NIT1: variants seen among roughly 807,000 people sequenced by gnomAD.
NIT1 encodes the protein deaminated glutathione amidase.
NIT1 carries 30 observed loss-of-function variants against 36.8 expected under a neutral mutation model. The observed-to-expected ratio is 0.82, with a 90% CI of 0.61 to 1.11. NIT1 has a LOEUF of 1.11. Ranked by LOEUF, NIT1 falls within the 50% of genes least tolerant of loss-of-function variation. NIT1 has a pLI of 0.00. For synonymous variants in NIT1, 151 were observed against 155.6 expected (o/e 0.97, Z 0.22); for missense variants, 438 against 410.6 (o/e 1.07, Z -0.58).
downstream of NIT1, among the ~76,000 whole-genome samples, chr1:161,123,635 CAAAAAAA>C (rs35678373): frequency 9.0e-5 from 8 of 88,948 alleles, no homozygotes; most frequent in African/African-American, 3.7e-4. Context: ...GACTCTGTCT[CAAAAAAA>C]AAAAAAAAAA....
chr1:161,118,671 G>GT, intron 1 of NIT1, 115 bp from the exon 2 acceptor site: 1 of 1,478,498 alleles, frequency 6.8e-7, no homozygotes, highest in Non-Finnish European at 9.3e-7. Context: ...TGAAGACTAG[G>GT]TTTTTACTGG....
chr1:161,123,925 T>C (rs372926625), downstream of NIT1: 3 of 1,613,988 alleles, frequency 1.9e-6, no homozygotes, highest in Non-Finnish European at 2.5e-6. Context: ...CTCCAGATAC[T>C]TGTCTACAAG....
chr1:161,118,322 G>A, intron 1 of NIT1, 144 bp downstream of exon 1: 1 of 1,537,712 alleles, frequency 6.5e-7, no homozygotes, highest in Non-Finnish European at 8.7e-7. Flanking sequence ...GGCGGGGCGC[G>A]GCTTGGGGCC....
downstream of NIT1, chr1:161,123,119 C>T (rs923468936): frequency 5.0e-6 from 8 of 1,614,188 alleles, no homozygotes; most frequent in African/African-American, 2.7e-5. Context: ...TGACTTCCGG[C>T]GTTTTCGCTG....
In NIT1 at chr1:161,120,929, T is replaced by C; in HGVS notation, c.*164T>C. On this transcript the variant is annotated 3_prime_UTR_variant, in exon 7 of 7. Transcript: ENST00000368009. ...GATGGGCTGCTTGGGAAAGAAACTT[T>C]CACCTGAGCTTCACCTGAGGTCAGA... The C allele has an allele frequency of 1.4e-6, 2 of 1,427,936 alleles. No individual in the cohort carries two copies. The highest frequency in any genetic ancestry group is 1.4e-5 in the African/African-American group (1 of 69,688). The allele number at this position is 1,427,936 out of a possible 1,614,324, so 88.5% of individuals were successfully genotyped here.
intron 4 of NIT1, 69 bp from the exon 5 acceptor site, chr1:161,119,750 C>T: frequency 6.3e-7 from 1 of 1,576,348 alleles, no homozygotes; most frequent in South Asian, 1.2e-5. Context: ...TATAAACTAT[C>T]TCCTCCTTGG....
At position 161,120,089 on chromosome 1, in the gene NIT1, G is replaced by C; in HGVS notation, c.592-18G>C. ...AACAGAGCAGGAAGACTACTAAGTA[G>C]GCTGTTTTTCATTCCAGATTGGTCT... On this transcript the variant is annotated intron_variant, in intron 5 of 6. Transcript: ENST00000368009. The C allele has an allele frequency of 6.2e-7, 1 of 1,614,050 alleles. No homozygotes were observed.
downstream of NIT1, chr1:161,124,336 GCACATCT>G: frequency 6.2e-7 from 1 of 1,614,232 alleles, no homozygotes; most frequent in Non-Finnish European, 8.5e-7. Context: ...GAAAGCACGC[GCACATCT>G]CTGTGTGTCA....
chr1:161,121,190 A>G lies in NIT1; in HGVS notation c.*425A>G. The G allele has an allele frequency of 9.6e-7, 1 of 1,037,320 alleles. No individual in the cohort carries two copies. Among genetic ancestry groups the G allele is most frequent in the Non-Finnish European group, 1.2e-6 (1 of 860,136 alleles). The allele number at this position is 1,037,320 out of a possible 1,614,324, so 64.3% of individuals were successfully genotyped here. A position where few individuals can be genotyped will look rare whatever the true frequency, so the allele number is the denominator to read the frequency against. On this transcript the variant is annotated 3_prime_UTR_variant, in exon 7 of 7. Coordinates refer to ENST00000368009, the MANE Select transcript of NIT1 (RefSeq NM_005600.3). ...CTCCCTACCTAAATAAAAGTGCAAC[A>G]CTCAGTGCATGTCCCAGCCCCATTC...
At position 161,119,863 on chromosome 1, in the gene NIT1, G is replaced by C. The variant is rs1238347162; in HGVS notation, c.502G>C (p.Glu168Gln). The C allele has an allele frequency of 3.1e-6, 5 of 1,612,632 alleles. No homozygotes were observed. The change falls in exon 5 of 7, where the codon GAG (glutamate) becomes CAG (glutamine). Residue 168 changes from glutamate to glutamine, a missense_variant. By Grantham distance (29) the Glu-to-Gln change is conservative (BLOSUM62 2). Transcript: ENST00000368009. The stretch of plus-strand genomic sequence containing the variant: ...CAGGAAGACACATCTGTGTGACGTA[G>C]AGATTCCAGGGCAGGGGCCTATGTG... ...TYRKTHLCDV[E>Q]IPGQGPMCES... is the part of the protein sequence containing the mutation.
chr1:161,118,708 TAA>T, intron 1 of NIT1, 76 bp from the exon 2 acceptor site: 1 of 1,472,518 alleles, frequency 6.8e-7, no homozygotes, highest in Non-Finnish European at 9.5e-7. Flanking sequence ...GCTCACAGTA[TAA>T]AGAGAGAAGT....
chr1:161,123,707 A>ATTTTT, downstream of NIT1: 1 of 632,810 alleles, frequency 1.6e-6, no homozygotes, highest in Middle Eastern at 4.9e-4. Context: ...ACCTCGCCTG[A>ATTTTT]TTTTTTTTTT....
downstream of NIT1, chr1:161,124,432 C>T (rs1382044779): frequency 4.4e-6 from 7 of 1,605,352 alleles, no homozygotes; most frequent in Admixed American, 3.3e-5. Context: ...TCTGGCCACA[C>T]CTGGCTTGCC....
intron 5 of NIT1, 33 bp from the exon 6 acceptor site, chr1:161,120,074 G>T (rs1211071535): frequency 6.2e-7 from 1 of 1,613,888 alleles, no homozygotes; most frequent in African/African-American, 1.3e-5. Context: ...AACAGAGCAG[G>T]AAGACTACTA....
intron 1 of NIT1, 56 bp from the exon 2 acceptor site, chr1:161,118,730 C>T: frequency 1.1e-5 from 16 of 1,513,470 alleles, no homozygotes; most frequent in Non-Finnish European, 1.5e-5. Flanking sequence ...TCAGAGAATC[C>T]TAGAAATTTA....
At chr1:161,122,447 C>T (rs1364391686), downstream of NIT1, 1 of 1,614,086 alleles carries the variant, frequency 6.2e-7, no homozygotes, top group East Asian at 2.2e-5. The surrounding 1 kb of genome is among the most constrained non-coding windows in gnomAD (Gnocchi z 4.2). Context: ...CAAGTGGGTC[C>T]TGCTTGTTAG....
downstream of NIT1, chr1:161,121,943 G>A (rs748379046): frequency 4.9e-6 from 3 of 613,890 alleles, no homozygotes; most frequent in Non-Finnish European, 8.3e-6. Flanking sequence ...AAATGGAAAA[G>A]GGAAATAAAG....
Position 161,120,801 on chromosome 1 carries a change from AC to A in NIT1, c.*41del, listed in dbSNP as rs1655410107. ...CTGTGAGTTTAGACCTGCCCCTCCCACCCCCACCCTGCCACTATGAGCTAGT... is the reference window on the plus strand; with the variant it reads ...CTGTGAGTTTAGACCTGCCCCTCCCACCCCACCCTGCCACTATGAGCTAGT... On this transcript the variant is annotated 3_prime_UTR_variant, in exon 7 of 7. Coordinates refer to ENST00000368009, the MANE Select transcript of NIT1 (RefSeq NM_005600.3). 9.0e-7 allele frequency: 1 copy of A among 1,106,406 alleles called. No individual in the cohort carries two copies. The highest frequency in any genetic ancestry group is 2.0e-5 in the Admixed American group (1 of 50,910). 68.5% of individuals were successfully genotyped at this position (1,106,406 alleles called of 1,614,324 possible).
chr1:161,123,069 C>G, downstream of NIT1: 1 of 1,614,202 alleles, frequency 6.2e-7, no homozygotes, highest in Non-Finnish European at 8.5e-7. Context: ...CCTTGAACTT[C>G]CTCACCACAT....
Sources: allele counts gnomAD v4.1 joint callset (sites outside exome capture counted in the v4.1 genomes callset), GRCh38; gene constraint gnomAD v4.1.1; non-coding constraint Gnocchi (gnomAD v3.1); transcripts MANE v1.5; gene names NCBI Gene and HGNC (gene_info 2026-07-23, HGNC 2026-07-21).